The following RANBP17 variants were observed in gnomAD, a reference collection of about 807,000 sequenced individuals.
RANBP17 encodes the protein ran-binding protein 17.
RANBP17 carries 158 observed loss-of-function variants against 141.2 expected under a neutral mutation model. That is an observed-to-expected ratio of 1.12 (90% CI 0.98 to 1.28). RANBP17 has a LOEUF of 1.28. Among genes scored for constraint, RANBP17 ranks in the 50% most tolerant of loss-of-function variants. The pLI, the probability that RANBP17 is intolerant of heterozygous loss-of-function variation, is 0.00. For missense variants in RANBP17, 1,438 were observed against 1,290.7 expected (o/e 1.11, Z -1.75); for synonymous variants, 430 against 450.0 (o/e 0.96, Z 0.56).
intron 24 of RANBP17, among the ~76,000 whole-genome samples, chr5:171,257,746 C>T (rs1765996720): frequency 6.6e-6 from 1 of 152,084 alleles, no homozygotes; most frequent in South Asian, 2.1e-4. Flanking sequence ...AATAGTATTT[C>T]TATATACCAA....
At chr5:171,213,763 A>G (rs762005826) in intron 21 of RANBP17, 25 bp downstream of exon 21, 2 of 1,486,194 alleles carry the variant, frequency 1.3e-6, no homozygotes, top group South Asian at 1.1e-5. Context: ...AGGCAGTGAG[A>G]AAAACAGTCT....
At chr5:171,047,426 C>CTT (rs371071471) in intron 14 of RANBP17, among the ~76,000 whole-genome samples, 5 of 134,404 alleles carry the variant, frequency 3.7e-5, no homozygotes, top group South Asian at 2.7e-4. Flanking sequence ...AGTCTTAACC[C>CTT]TTTTTTTTTT....
rs770656556 is a variant in RANBP17 at position 170,909,671 on chromosome 5, C to T, written c.500C>T (p.Ser167Phe). Reference sequence around the variant, plus strand: ...TCTTTATCTTTTTAGGTTGATTATTCTAGACCTTCAGCAAAACACAGGAAA... The same window carrying T: ...TCTTTATCTTTTTAGGTTGATTATTTTAGACCTTCAGCAAAACACAGGAAA... ...LTQEMNLVDY[S>F]RPSAKHRKIA... Residue 167 changes from serine (S) to phenylalanine (F), a missense_variant, in exon 6 of 28, where the codon TCT (serine) becomes TTT (phenylalanine). Ser to Phe is a radical substitution (Grantham distance 155, BLOSUM62 -2). Transcript: ENST00000523189. The T allele has an allele frequency of 1.4e-6, 2 of 1,451,686 alleles. No homozygotes were observed. Among genetic ancestry groups the T allele is most frequent in the South Asian group, 1.3e-5 (1 of 79,828 alleles). The allele number at this position is 1,451,686 out of a possible 1,614,324, so 89.9% of individuals were successfully genotyped here. A position where few individuals can be genotyped will look rare whatever the true frequency, so the allele number is the denominator to read the frequency against.
chr5:171,251,712 G>A (rs1249868130), intron 24 of RANBP17, among the ~76,000 whole-genome samples: 2 of 152,088 alleles, frequency 1.3e-5, no homozygotes, highest in Non-Finnish European at 2.9e-5. Context: ...GTGGCGGCTC[G>A]GGGTCCACCC....
chr5:170,931,435 T>A (rs36143146), intron 12 of RANBP17, among the ~76,000 whole-genome samples: 93,070 of 152,056 alleles, frequency 0.61, 29,867 homozygotes, highest in South Asian at 0.88. Flanking sequence ...GTCAATTTTG[T>A]CTTTTGTTGC....
intron 22 of RANBP17, among the ~76,000 whole-genome samples, chr5:171,231,154 C>T (rs1463025090): frequency 7.0e-6 from 1 of 143,088 alleles, no homozygotes; most frequent in African/African-American, 2.6e-5. Context: ...CACTATGTTG[C>T]CCAGGCTTTT....
chr5:170,905,385 A>G (rs1770994456), intron 5 of RANBP17, among the ~76,000 whole-genome samples: 1 of 152,148 alleles, frequency 6.6e-6, no homozygotes, highest in African/African-American at 2.4e-5. Context: ...TATATGTAGA[A>G]GAGCTTGCAT....
At chr5:170,963,096 A>G (rs1022875895) in intron 13 of RANBP17, among the ~76,000 whole-genome samples, 6 of 152,210 alleles carry the variant, frequency 3.9e-5, no homozygotes, top group African/African-American at 1.4e-4. Context: ...ATTTAATAAC[A>G]TGGTAAAAAT....
intron 14 of RANBP17, among the ~76,000 whole-genome samples, chr5:171,163,321 G>A (rs932056886): frequency 6.6e-6 from 1 of 152,132 alleles, no homozygotes; most frequent in African/African-American, 2.4e-5. Context: ...TAATTCTCTT[G>A]TTATGGTGAT....
chr5:170,929,597 G>A (rs559541976), intron 12 of RANBP17, among the ~76,000 whole-genome samples: 2 of 152,156 alleles, frequency 1.3e-5, no homozygotes, highest in South Asian at 4.1e-4. Flanking sequence ...TGTTTCTTTA[G>A]AAATTGTTAA....
chr5:170,919,152 A>T (rs1561889922), intron 10 of RANBP17, among the ~76,000 whole-genome samples: 1 of 151,942 alleles, frequency 6.6e-6, no homozygotes, highest in Non-Finnish European at 1.5e-5. Context: ...ATTTTAAGGG[A>T]GAGATTATAA....
intron 14 of RANBP17, among the ~76,000 whole-genome samples, chr5:171,052,973 C>T (rs1356754083): frequency 7.3e-5 from 2 of 27,370 alleles, no homozygotes; most frequent in Admixed American, 8.4e-4. Flanking sequence ...CTGCCTCAGC[C>T]TCCCAAGTAG....
At chr5:170,919,707 G>T (rs192372161) in intron 11 of RANBP17, 94 bp downstream of exon 11, 15 of 909,638 alleles carry the variant, frequency 1.6e-5, no homozygotes, top group Non-Finnish European at 2.5e-5. Context: ...CCCTTTTAGC[G>T]TACAGTTGTA....
intron 14 of RANBP17, among the ~76,000 whole-genome samples, chr5:171,039,245 G>GTTTT (rs57258448): frequency 8.0e-6 from 1 of 125,426 alleles, no homozygotes; most frequent in African/African-American, 3.0e-5. Flanking sequence ...TCTGTTGTTG[G>GTTTT]TTTTTTTTTT....
At chr5:171,077,804 T>C (rs543295017) in intron 14 of RANBP17, among the ~76,000 whole-genome samples, 3 of 152,360 alleles carry the variant, frequency 2.0e-5, no homozygotes, top group African/African-American at 7.2e-5. Context: ...AGTAGCCTTA[T>C]TGCTGGTATG....
intron 24 of RANBP17, among the ~76,000 whole-genome samples, chr5:171,245,918 G>A (rs1324009209): frequency 2.9e-5 from 4 of 139,078 alleles, no homozygotes; most frequent in South Asian, 2.3e-4. Context: ...TCGCTCCATC[G>A]CCCAGGCTGG....
At chr5:171,082,238 A>G (rs1387004513) in intron 14 of RANBP17, among the ~76,000 whole-genome samples, 1 of 152,116 alleles carries the variant, frequency 6.6e-6, no homozygotes, top group Non-Finnish European at 1.5e-5. Context: ...CATATAGAAT[A>G]TATGTGGCAT....
intron 24 of RANBP17, chr5:171,252,983 A>T (rs1320612150): frequency 1.3e-5 from 18 of 1,354,626 alleles, no homozygotes; most frequent in Non-Finnish European, 1.7e-5. Flanking sequence ...CAGTCTCGGG[A>T]TTGAGGGGGA....
rs376506166 is a variant in RANBP17 at position 171,272,258 on chromosome 5, C to T, written c.2943+6411C>T. 1.3e-3 allele frequency among the ~76,000 whole-genome samples: 204 copies of T among 152,176 alleles called. 9 individuals carry two copies. In the South Asian group the frequency reaches 0.04, roughly 30 times the overall value. On this transcript the variant is annotated intron_variant, in intron 25 of 27. Transcript: ENST00000523189. ...TTGGGGGTACTGTGCTTATTACCTGCGTGACAAAGTAATCTGTACACCAGA... is the reference window on the plus strand; with the variant it reads ...TTGGGGGTACTGTGCTTATTACCTGTGTGACAAAGTAATCTGTACACCAGA...
Sources: allele counts gnomAD v4.1 joint callset (sites outside exome capture counted in the v4.1 genomes callset), GRCh38; gene constraint gnomAD v4.1.1; transcripts MANE v1.5; gene names NCBI Gene and HGNC (gene_info 2026-07-23, HGNC 2026-07-21).